Variants in OARD1 observed in about 807,000 individuals in gnomAD.
The protein encoded by OARD1 is O-acyl-ADP-ribose deacylase 1, also known as ADP-ribose glycohydrolase OARD1.
OARD1 carries 19 observed loss-of-function variants against 19.7 expected under a neutral mutation model. The observed-to-expected ratio is 0.96, with a 90% CI of 0.67 to 1.41. The LOEUF (loss-of-function observed/expected upper bound fraction) is 1.41, where lower values mean the gene tolerates loss of function less well. Among genes scored for constraint, OARD1 ranks in the 40% most tolerant of loss-of-function variants. OARD1 has a pLI of 0.00. For missense variants in OARD1, 190 were observed against 183.8 expected (o/e 1.03, Z -0.20); for synonymous variants, 70 against 61.8 (o/e 1.13, Z -0.62).
chr6:41,096,092 T>G (rs1031139213), intron 1 of OARD1, among the ~76,000 whole-genome samples: 1 of 152,236 alleles, frequency 6.6e-6, no homozygotes, highest in Non-Finnish European at 1.5e-5. Flanking sequence ...TTAAAGTGTT[T>G]TTTTTAACCT....
intron 1 of OARD1, chr6:41,094,618 G>C: frequency 1.5e-6 from 1 of 677,674 alleles, no homozygotes; most frequent in South Asian, 1.8e-5. Context: ...CTCTAAACTG[G>C]ATGCAATCTT....
At chr6:41,070,524 T>C (rs1489515713) in intron 3 of OARD1, among the ~76,000 whole-genome samples, 1 of 152,248 alleles carries the variant, frequency 6.6e-6, no homozygotes, top group African/African-American at 2.4e-5. Context: ...TATAAGGCAT[T>C]ATGAGGAATA....
At chr6:41,080,759 C>G in intron 1 of OARD1, 1 of 1,467,688 alleles carries the variant, frequency 6.8e-7, no homozygotes, top group Admixed American at 1.7e-5. Context: ...GTGTCTTGAA[C>G]TACACATTTC....
upstream of OARD1, among the ~76,000 whole-genome samples, chr6:41,077,316 TACCACAATGAAGATATAAA>T (rs1763763614): frequency 6.6e-6 from 1 of 152,188 alleles, no homozygotes; most frequent in Non-Finnish European, 1.5e-5. Flanking sequence ...GTGCAACTGC[TACCACAATGAAGATATAAA>T]ACATTTTCAT....
At chr6:41,090,946 A>G (rs1463331207) in intron 1 of OARD1, among the ~76,000 whole-genome samples, 1 of 152,196 alleles carries the variant, frequency 6.6e-6, no homozygotes, top group Non-Finnish European at 1.5e-5. Context: ...TGTGATTGCA[A>G]ATTTGCAATA....
intron 1 of OARD1, chr6:41,084,292 T>C (rs1261482275): frequency 7.5e-7 from 1 of 1,342,132 alleles, no homozygotes; most frequent in Non-Finnish European, 1.0e-6. Flanking sequence ...ATTTAACTGC[T>C]TCCTAACCCA....
At chr6:41,085,250 AG>A (rs1479700719) in intron 1 of OARD1, among the ~76,000 whole-genome samples, 2 of 152,222 alleles carry the variant, frequency 1.3e-5, no homozygotes, top group Admixed American at 1.3e-4. Context: ...CATCAATAGT[AG>A]GGGGAAATTA....
chr6:41,071,379 C>A, intron 2 of OARD1, 103 bp from the exon 3 acceptor site: 1 of 1,193,082 alleles, frequency 8.4e-7, no homozygotes, highest in South Asian at 1.4e-5. Context: ...CTCCCGGCAC[C>A]CCTTCCTCCA....
intron 1 of OARD1, among the ~76,000 whole-genome samples, chr6:41,084,673 T>G (rs1001729369): frequency 6.6e-6 from 1 of 152,066 alleles, no homozygotes; most frequent in Non-Finnish European, 1.5e-5. Flanking sequence ...TAGAAGAGAT[T>G]AAAGGAAGGC....
At chr6:41,089,549 A>G in intron 1 of OARD1, 1 of 1,587,246 alleles carries the variant, frequency 6.3e-7, no homozygotes, top group Non-Finnish European at 8.6e-7. Context: ...TCAGTAGAGT[A>G]CAATCCTTTT....
chr6:41,092,872 C>T, intron 1 of OARD1: 1 of 1,588,008 alleles, frequency 6.3e-7, no homozygotes, highest in Non-Finnish European at 8.6e-7. Context: ...TATGTCCATA[C>T]TTCATGCCAC....
chr6:41,080,699 T>C (rs1763881236), intron 1 of OARD1: 2 of 815,378 alleles, frequency 2.5e-6, no homozygotes, highest in South Asian at 1.6e-5. Context: ...CTGTACATTT[T>C]GAAAGTCCTT....
chr6:41,080,295 A>G lies in OARD1; in HGVS notation c.-41-8620T>C, dbSNP rs1685225581. 2.6e-5 allele frequency among the ~76,000 whole-genome samples: 4 copies of G among 152,126 alleles called. No individual in the cohort carries two copies. The South Asian group carries it at 6.2e-4, about 24-fold the overall frequency. ...CAAGACCCCATCTCAAAATAAGTAC[A>G]TAAATAAAGTTTAAAAAAAAAAGAA... On this transcript the variant is annotated intron_variant, in intron 1 of 4. Coordinates refer to the OARD1 transcript ENST00000480585.
chr6:41,070,050 A>G, intron 4 of OARD1, 26 bp downstream of exon 4: 1 of 1,448,370 alleles, frequency 6.9e-7, no homozygotes, highest in South Asian at 1.1e-5. Flanking sequence ...TGGCCCTGAA[A>G]AAAAAAGGAA....
At chr6:41,070,223 A>G in intron 3 of OARD1, 89 bp from the exon 4 acceptor site, 1 of 764,200 alleles carries the variant, frequency 1.3e-6, no homozygotes, top group Admixed American at 2.3e-5. Context: ...ATCTGAGTTT[A>G]CCTCAGAACT....
chr6:41,081,864 A>G (rs1486286197), intron 1 of OARD1, among the ~76,000 whole-genome samples: 1 of 152,190 alleles, frequency 6.6e-6, no homozygotes, highest in Non-Finnish European at 1.5e-5. Flanking sequence ...CACTGTGATA[A>G]TTCTTGGTTA....
chr6:41,066,997 GAGA>G lies in OARD1; in HGVS notation c.*335_*337del, dbSNP rs1303449550. On this transcript the variant is annotated 3_prime_UTR_variant, in exon 6 of 6. Coordinates refer to ENST00000424266, the MANE Select transcript of OARD1 (RefSeq NM_001329686.2). ...TTCCTGAAATTTCTCTTAAAAAGCA[GAGA>G]AGTAGAACCAATGCTGCCACCTAGT... 1 of 162,862 alleles carries G rather than the reference GAGA, an allele frequency of 6.1e-6. No individual in the cohort carries two copies. The highest frequency in any genetic ancestry group is 2.4e-5 in the African/African-American group (1 of 41,892). The allele number at this position is 162,862 out of a possible 1,614,324, so 10.1% of individuals were successfully genotyped here. A position where few individuals can be genotyped will look rare whatever the true frequency, so the allele number is the denominator to read the frequency against.
chr6:41,078,086 G>C (rs950397473), intron 1 of OARD1, among the ~76,000 whole-genome samples: 7 of 152,092 alleles, frequency 4.6e-5, no homozygotes, highest in Non-Finnish European at 5.9e-5. Flanking sequence ...ATACCTGCCA[G>C]TTAGGGTCTA....
At position 41,067,273 on chromosome 6, in the gene OARD1, G is replaced by A. The variant is rs182802798; in HGVS notation, c.*62C>T. ...TGCCTATTTTAAGGTAGGTTTGCCC[G>A]GTCCTATGGCCCAGTAGAGATGACA... On this transcript the variant is annotated 3_prime_UTR_variant, in exon 6 of 6. Transcript: ENST00000424266. The A allele has an allele frequency of 5.8e-5, 60 of 1,034,318 alleles. No individual in the cohort carries two copies. The East Asian group carries it at 7.3e-4, about 13-fold the overall frequency. The allele number at this position is 1,034,318 out of a possible 1,614,324, so 64.1% of individuals were successfully genotyped here.
Sources: gnomAD v4.1 joint callset for allele counts (sites outside exome capture counted in the v4.1 genomes callset) on GRCh38, gnomAD v4.1.1 for gene constraint, MANE v1.5 for transcripts, NCBI Gene and HGNC (gene_info 2026-07-23, HGNC 2026-07-21) for gene names.